ZNF483: variants seen among roughly 807,000 people sequenced by gnomAD.
ZNF483 encodes zinc finger protein HIT-10.
Under a neutral mutation model 28.6 loss-of-function variants are expected in ZNF483, and 9 were observed. That is an observed-to-expected ratio of 0.32 (90% CI 0.19 to 0.55). The LOEUF (loss-of-function observed/expected upper bound fraction) is 0.55. Among genes scored for constraint, ZNF483 ranks in the 20% least tolerant of loss-of-function variants. The pLI is 0.93. For missense variants in ZNF483, 675 were observed against 871.7 expected (o/e 0.77, Z 2.84); for synonymous variants, 322 against 306.2 (o/e 1.05, Z -0.54).
Position 111,544,093 on chromosome 9 carries a change from A to G in ZNF483, c.*923A>G, listed in dbSNP as rs1009273117. The G allele has an allele frequency of 1.0e-6, 1 of 985,446 alleles. No homozygotes were observed. The highest frequency in any genetic ancestry group is 1.2e-6 in the Non-Finnish European group (1 of 829,952). 61.0% of individuals were successfully genotyped at this position (985,446 alleles called of 1,614,324 possible). A position where few individuals can be genotyped will look rare whatever the true frequency, so the allele number is the denominator to read the frequency against. On this transcript the variant is annotated 3_prime_UTR_variant, in exon 6 of 6. Transcript: ENST00000309235. ...CTCTTTTTCTTTTGGGCATTGGCCA[A>G]CAGGACTGAGAAGCCAGAGAGCTTG... is the stretch of plus-strand genomic sequence containing the variant.
At position 111,542,441 on chromosome 9, in the gene ZNF483, A is replaced by G; in HGVS notation, c.1506A>G (p.Lys502=). The change falls in exon 6 of 6, where the codon AAA becomes AAG. Residue 502 remains lysine, a synonymous_variant. Coordinates refer to ENST00000309235, the MANE Select transcript of ZNF483 (RefSeq NM_133464.5). The surrounding 1 kb of genome is among the most constrained non-coding windows in gnomAD (Gnocchi z 6.2). ...CCTTCAAATGTGATGACTGTGGGAA[A>G]GGTTTCACCCTAAGTGCTCACCTCA... ...EKPFKCDDCG[K]GFTLSAHLIK... 3 of 1,614,190 alleles carry G rather than the reference A, an allele frequency of 1.9e-6. No individual in the cohort carries two copies. The highest frequency in any genetic ancestry group is 1.3e-5 in the African/African-American group (1 of 75,072).
In ZNF483 at chr9:111,548,121, G is replaced by A. The variant is rs917537117; in HGVS notation, c.*4951G>A. Among the ~76,000 whole-genome samples, 1 of 152,156 alleles carries A rather than the reference G, an allele frequency of 6.6e-6. No individual in the cohort carries two copies. The highest frequency in any genetic ancestry group is 2.4e-5 in the African/African-American group (1 of 41,438). On this transcript the variant is annotated 3_prime_UTR_variant, in exon 6 of 6. Transcript: ENST00000309235. Reference sequence around the variant, plus strand: ...CTCCAGCTTTGTTCTTTCCCAAATTGTTTTGGCTATTTGGGGGTCCTTAAG... The same window carrying A: ...CTCCAGCTTTGTTCTTTCCCAAATTATTTTGGCTATTTGGGGGTCCTTAAG...
chr9:111,563,162 G>C, intron 5 of ZNF483: 1 of 1,613,678 alleles, frequency 6.2e-7, no homozygotes, highest in Non-Finnish European at 8.5e-7. Context: ...TCTCCTTTCA[G>C]CATTCCCATA....
intron 5 of ZNF483, among the ~76,000 whole-genome samples, chr9:111,561,272 GT>G (rs1039558132): frequency 1.3e-4 from 19 of 150,988 alleles, no homozygotes; most frequent in African/African-American, 3.9e-4. Context: ...TTTTGTTGTT[GT>G]TTTGTTTTTA....
At chr9:111,563,382 G>T in intron 5 of ZNF483, 1 of 712,286 alleles carries the variant, frequency 1.4e-6, no homozygotes, top group Non-Finnish European at 2.2e-6. Context: ...TGAAGTCAAG[G>T]TGGGGCAAGA....
Position 111,541,915 on chromosome 9 carries a change from A to C in ZNF483, c.980A>C (p.Lys327Thr), listed in dbSNP as rs1238051773. Reference sequence around the variant, plus strand: ...AAACATCTGAGAGTCTACTTGAGGAAGAAATCTCGGAGGTATAATGAAAGC... The same window carrying C: ...AAACATCTGAGAGTCTACTTGAGGACGAAATCTCGGAGGTATAATGAAAGC... ...LIKHLRVYLR[K>T]KSRRYNESKK... The change falls in exon 6 of 6, where the codon AAG becomes ACG. Residue 327 changes from lysine to threonine, a missense_variant. Physicochemically the swap from Lys to Thr is moderately conservative, Grantham distance 78. Around this residue, in one of 6 missense-constraint regions of ZNF483, gnomAD observed 525 missense variants for 581.8 expected, o/e 0.90. Coordinates refer to ENST00000309235, the MANE Select transcript of ZNF483 (RefSeq NM_133464.5). 6.2e-7 allele frequency: 1 copy of C among 1,614,170 alleles called. No homozygotes were observed. The highest frequency in any genetic ancestry group is 2.2e-5 in the East Asian group (1 of 44,878).
chr9:111,549,943 T>A lies in ZNF483; in HGVS notation c.*6773T>A. The A allele has an allele frequency of 1.8e-6, 1 of 570,372 alleles. No homozygotes were observed. The highest frequency in any genetic ancestry group is 3.1e-6 in the Non-Finnish European group (1 of 327,622). 35.3% of individuals were successfully genotyped at this position (570,372 alleles called of 1,614,324 possible). ...TGCCTTTGAATGGTCAATACTTGTT[T>A]CTTTGTATGCATCGTGATTGTTTTT... is the stretch of plus-strand genomic sequence containing the variant. On this transcript the variant is annotated 3_prime_UTR_variant, in exon 6 of 6. Transcript: ENST00000309235.
At chr9:111,526,143 C>T (rs1347924115) in intron 1 of ZNF483, among the ~76,000 whole-genome samples, 1 of 152,168 alleles carries the variant, frequency 6.6e-6, no homozygotes, top group African/African-American at 2.4e-5. Flanking sequence ...CAGAGCATCA[C>T]ACCAGAAGTG....
rs1015722808 is a variant in ZNF483 at position 111,549,908 on chromosome 9, G to T, written c.*6738G>T. 5.8e-6 allele frequency: 4 copies of T among 689,644 alleles called. No individual in the cohort carries two copies. The highest frequency in any genetic ancestry group is 5.5e-5 in the African/African-American group (3 of 54,060). The allele number at this position is 689,644 out of a possible 1,614,324, so 42.7% of individuals were successfully genotyped here. ...TCTTCCTCATGTCCATTTTTTGTTG[G>T]TTTATTTTGTGCCTTTGAATGGTCA... On this transcript the variant is annotated 3_prime_UTR_variant, in exon 6 of 6. Coordinates refer to ENST00000309235, the MANE Select transcript of ZNF483 (RefSeq NM_133464.5).
chr9:111,559,816 A>G (rs1828223688), downstream of ZNF483, among the ~76,000 whole-genome samples: 2 of 152,170 alleles, frequency 1.3e-5, no homozygotes, highest in Non-Finnish European at 2.9e-5. Flanking sequence ...TAGTTTGGTA[A>G]GAAAAGAGGA....
At chr9:111,539,967 A>G (rs928368185) in intron 5 of ZNF483, among the ~76,000 whole-genome samples, 5 of 151,958 alleles carry the variant, frequency 3.3e-5, no homozygotes, top group Non-Finnish European at 7.4e-5. Flanking sequence ...CCATCTCTAC[A>G]GATAATTTTT....
Position 111,542,619 on chromosome 9 carries a change from C to G in ZNF483, c.1684C>G (p.His562Asp). Residue 562 changes from histidine to aspartate, a missense_variant, in exon 6 of 6, where the codon CAT becomes GAT. His to Asp is a moderately conservative substitution (Grantham distance 81). Coordinates refer to ENST00000309235, the MANE Select transcript of ZNF483 (RefSeq NM_133464.5). This position sits in a 1 kb window ranked among gnomAD's most constrained non-coding sequence, Gnocchi z 6.2. ...TCSNCGKSFS[H>D]SSSLSKHQRI... ...TAGCAATTGTGGAAAATCCTTCAGT[C>G]ATAGCTCATCCCTTTCCAAACATCA... The G allele has an allele frequency of 6.2e-7, 1 of 1,614,014 alleles. No homozygotes were observed. Among genetic ancestry groups the G allele is most frequent in the Non-Finnish European group, 8.5e-7 (1 of 1,179,984 alleles).
In ZNF483 at chr9:111,571,795, C is replaced by T. The variant is rs142013675; in HGVS notation, c.722-4570C>T. Among the ~76,000 whole-genome samples the T allele has an allele frequency of 2.9e-3, 434 of 152,226 alleles. 1 individual carries two copies. The highest frequency in any genetic ancestry group is 8.6e-3 in the Admixed American group (132 of 15,272). ...TTGGGATTACAGGCATAAGCCACTGCGCCTGGCTAAGAATTTGTATTTCTA... is the reference window on the plus strand; with the variant it reads ...TTGGGATTACAGGCATAAGCCACTGTGCCTGGCTAAGAATTTGTATTTCTA... On this transcript the variant is annotated intron_variant, in intron 5 of 5. Coordinates refer to the ZNF483 transcript ENST00000358151.
intron 5 of ZNF483, among the ~76,000 whole-genome samples, chr9:111,569,464 G>A (rs919746282): frequency 2.0e-5 from 3 of 152,106 alleles, no homozygotes; most frequent in Non-Finnish European, 4.4e-5. Flanking sequence ...ACTATGTAAG[G>A]GTCCCCTGTG....
rs756926703 is a variant in ZNF483 at position 111,530,846 on chromosome 9, G to A, written c.413-29G>A. The A allele has an allele frequency of 2.8e-5, 28 of 986,046 alleles. 1 individual carries two copies. In the Admixed American group the frequency reaches 5.4e-4, roughly 19 times the overall value. The allele number at this position is 986,046 out of a possible 1,614,324, so 61.1% of individuals were successfully genotyped here. On this transcript the variant is annotated intron_variant, in intron 2 of 5. Transcript: ENST00000309235. ...TTTAGTCTGAGGAATCTGTATGAAC[G>A]ACTGGACTGGTTTTCTCCCCTTTCC...
chr9:111,548,052 C>G lies in ZNF483; in HGVS notation c.*4882C>G, dbSNP rs1217032170. Among the ~76,000 whole-genome samples the G allele has an allele frequency of 6.6e-6, 1 of 152,164 alleles. No homozygotes were observed. Among genetic ancestry groups the G allele is most frequent in the East Asian group, 1.9e-4 (1 of 5,204 alleles). ...GTAATGTTTTGTAATCAGGATTACA[C>G]TACGTTTCCTGTAGTATGTTTTTGA... On this transcript the variant is annotated 3_prime_UTR_variant, in exon 6 of 6. Coordinates refer to ENST00000309235, the MANE Select transcript of ZNF483 (RefSeq NM_133464.5).
rs150160421 is a variant in ZNF483 at position 111,554,652 on chromosome 9, A to G, written c.*11482A>G. 1.3e-5 allele frequency among the ~76,000 whole-genome samples: 2 copies of G among 152,280 alleles called. No homozygotes were observed. Among genetic ancestry groups the G allele is most frequent in the Non-Finnish European group, 2.9e-5 (2 of 68,026 alleles). On this transcript the variant is annotated 3_prime_UTR_variant, in exon 6 of 6. Coordinates refer to ENST00000309235, the MANE Select transcript of ZNF483 (RefSeq NM_133464.5). ...ACATGGATATGCTGGACAAAGGGAT[A>G]ATTTGTGTCCTAGGAGGCACGGAGC...
At chr9:111,534,171 T>G in intron 4 of ZNF483, 90 bp from the exon 5 acceptor site, 1 of 1,137,316 alleles carries the variant, frequency 8.8e-7, no homozygotes, top group South Asian at 1.4e-5. Flanking sequence ...TGTTTTTATC[T>G]TCCTTGGAGA....
intron 5 of ZNF483, among the ~76,000 whole-genome samples, chr9:111,570,836 G>T (rs771412384): frequency 9.2e-5 from 14 of 152,090 alleles, no homozygotes; most frequent in Non-Finnish European, 2.1e-4. Flanking sequence ...CCACTATAAA[G>T]ATGGACCCAA....
Sources: allele counts gnomAD v4.1 joint callset (sites outside exome capture counted in the v4.1 genomes callset), GRCh38; gene constraint gnomAD v4.1.1; regional missense constraint gnomAD v4.1.1; non-coding constraint Gnocchi (gnomAD v3.1); transcripts MANE v1.5; gene names NCBI Gene and HGNC (gene_info 2026-07-23, HGNC 2026-07-21).